The following PAX7 variants were observed in gnomAD, a reference collection of about 807,000 sequenced individuals.
PAX7 encodes the protein paired box protein Pax-7.
Under a neutral mutation model 50.7 loss-of-function variants are expected in PAX7, and 18 were observed. That is an observed-to-expected ratio of 0.36 (90% CI 0.25 to 0.53). The LOEUF (loss-of-function observed/expected upper bound fraction) is 0.53, where lower values mean the gene tolerates loss of function less well. PAX7 is among the 20% of genes least tolerant of loss of function. The pLI, the probability that PAX7 is intolerant of heterozygous loss-of-function variation, is 0.93. For synonymous variants in PAX7, 310 were observed against 290.4 expected, an observed-to-expected ratio of 1.07 and a Z score of -0.69; for missense variants, 644 against 702.9, an observed-to-expected ratio of 0.92 and a Z score of 0.95.
At chr1:18,694,068 C>T (rs1241697710) in intron 5 of PAX7, among the ~76,000 whole-genome samples, 1 of 152,200 alleles carries the variant, frequency 6.6e-6, no homozygotes, top group Non-Finnish European at 1.5e-5. Context: ...AGGGCAGGGA[C>T]TCCCCATTAG....
intron 4 of PAX7, among the ~76,000 whole-genome samples, chr1:18,658,984 G>A (rs760726572): frequency 5.7e-4 from 87 of 152,136 alleles, no homozygotes; most frequent in Middle Eastern, 3.2e-3. Context: ...ACATATGTAT[G>A]TGTGTGTTGT....
intron 4 of PAX7, among the ~76,000 whole-genome samples, chr1:18,643,744 C>A (rs889147094): frequency 6.6e-6 from 1 of 152,242 alleles, no homozygotes; most frequent in Non-Finnish European, 1.5e-5. Context: ...GACATCCGCA[C>A]AAAGGCAGTT....
At chr1:18,648,313 C>G (rs1303893912) in intron 4 of PAX7, among the ~76,000 whole-genome samples, 1 of 151,050 alleles carries the variant, frequency 6.6e-6, no homozygotes, top group Non-Finnish European at 1.5e-5. Context: ...CACTCTTCAT[C>G]CATTCACTCT....
intron 4 of PAX7, among the ~76,000 whole-genome samples, chr1:18,660,731 T>C (rs942471215): frequency 2.0e-5 from 3 of 151,684 alleles, no homozygotes; most frequent in African/African-American, 7.3e-5. Context: ...CTCCTTGGGC[T>C]CAGGAATCCT....
At chr1:18,681,278 A>G (rs1014426092) in intron 4 of PAX7, among the ~76,000 whole-genome samples, 1 of 151,658 alleles carries the variant, frequency 6.6e-6, no homozygotes, top group African/African-American at 2.4e-5. Context: ...CTCCTCACTA[A>G]TTCACAGCTG....
intron 5 of PAX7, 54 bp downstream of exon 5, chr1:18,692,007 G>T: frequency 1.3e-6 from 2 of 1,546,560 alleles, no homozygotes; most frequent in Non-Finnish European, 1.8e-6. Context: ...AGATTCAGAA[G>T]TTTGGGATGG....
chr1:18,673,413 A>G (rs1334505427), intron 4 of PAX7, among the ~76,000 whole-genome samples: 1 of 152,130 alleles, frequency 6.6e-6, no homozygotes, highest in African/African-American at 2.4e-5. Flanking sequence ...ACTCCCAAAT[A>G]TCTAGAAGCA....
intron 7 of PAX7, among the ~76,000 whole-genome samples, chr1:18,709,609 C>T (rs1372855570): frequency 2.0e-5 from 3 of 152,224 alleles, no homozygotes; most frequent in East Asian, 3.9e-4. Flanking sequence ...CACTTGCCCT[C>T]CTTGACTCTT....
At chr1:18,734,757 C>G (rs1453938731) in intron 7 of PAX7, among the ~76,000 whole-genome samples, 1 of 152,190 alleles carries the variant, frequency 6.6e-6, no homozygotes, top group Non-Finnish European at 1.5e-5. Context: ...CTCCCCCGAC[C>G]GAGGGCAGGG....
intron 7 of PAX7, among the ~76,000 whole-genome samples, chr1:18,731,059 C>T (rs17352351): frequency 0.23 from 35,246 of 152,078 alleles, 4,452 homozygotes; most frequent in Middle Eastern, 0.39. Flanking sequence ...GAGTTAGTAA[C>T]GGTAACCTAC....
chr1:18,671,877 C>G (rs1044472338), intron 4 of PAX7, among the ~76,000 whole-genome samples: 1 of 150,856 alleles, frequency 6.6e-6, no homozygotes, highest in Non-Finnish European at 1.5e-5. Flanking sequence ...CTTGGGAGGT[C>G]GAGGCAGGAG....
intron 4 of PAX7, among the ~76,000 whole-genome samples, chr1:18,650,281 T>C (rs1202456946): frequency 1.3e-5 from 2 of 152,222 alleles, no homozygotes; most frequent in African/African-American, 2.4e-5. Flanking sequence ...GAACTTTCTC[T>C]CCTGGCTGGG....
chr1:18,635,167 A>G lies in PAX7; in HGVS notation c.378A>G (p.Pro126=), dbSNP rs2100419563. 2 of 1,614,054 alleles carry G rather than the reference A, an allele frequency of 1.2e-6. No homozygotes were observed. The highest frequency in any genetic ancestry group is 1.7e-6 in the Non-Finnish European group (2 of 1,179,954). Residue 126 remains proline, a synonymous_variant, in exon 3 of 9, where the codon CCA becomes CCG. Coordinates refer to ENST00000420770, the MANE Select transcript of PAX7 (RefSeq NM_001135254.2). ...TTGAGGAGTACAAGAGGGAAAACCC[A>G]GGCATGTTCAGCTGGGAGATCCGGG... ...KKIEEYKREN[P]GMFSWEIRDR... is the part of the protein sequence containing the mutation.
chr1:18,744,025 G>C lies in PAX7; in HGVS notation c.1403-789G>C, dbSNP rs988189704. 3.9e-5 allele frequency among the ~76,000 whole-genome samples: 6 copies of C among 152,270 alleles called. No individual in the cohort carries two copies. In the South Asian group the frequency reaches 6.2e-4, roughly 16 times the overall value. On this transcript the variant is annotated intron_variant, in intron 8 of 8. Transcript: ENST00000420770. ...CACACACACCCTCAGACACTCATCT[G>C]TCTCCTCTGGGGGACCAGATGGACA...
chr1:18,700,009 G>A lies in PAX7; in HGVS notation c.787-644G>A, dbSNP rs1183293170. 3.9e-5 allele frequency among the ~76,000 whole-genome samples: 6 copies of A among 152,026 alleles called. No individual in the cohort carries two copies. Among genetic ancestry groups the A allele is most frequent in the Non-Finnish European group, 7.4e-5 (5 of 68,020 alleles). ...CATGGGTCTATGTATGGATTGATAC[G>A]TGAAGTGCCAGCACAGGAAGGGGAG... is the stretch of plus-strand genomic sequence containing the variant. On this transcript the variant is annotated intron_variant, in intron 5 of 8. Transcript: ENST00000420770. The surrounding 1 kb of genome is among the most constrained non-coding windows in gnomAD (Gnocchi z 4.8).
chr1:18,742,690 C>A (rs1931214506), intron 8 of PAX7, among the ~76,000 whole-genome samples: 1 of 152,186 alleles, frequency 6.6e-6, no homozygotes, highest in African/African-American at 2.4e-5. Flanking sequence ...CTGGCAGTCC[C>A]TGGGGGCTCA....
intron 4 of PAX7, among the ~76,000 whole-genome samples, chr1:18,664,571 C>G (rs1416610813): frequency 6.6e-6 from 1 of 152,186 alleles, no homozygotes; most frequent in African/African-American, 2.4e-5. Context: ...ATCCTCACAG[C>G]CCTCTATGAA....
rs2089572542 is a variant in PAX7, at chr1:18,726,420, T to C, written c.1156-9212T>C. On this transcript the variant is annotated intron_variant, in intron 7 of 8. Transcript: ENST00000420770. This position sits in a 1 kb window ranked among gnomAD's most constrained non-coding sequence, Gnocchi z 4.8. ...AAAGATAAATTCATTTCTTCATTCA[T>C]GAATTCCTCACTTAGCAAATGTTTA... Among the ~76,000 whole-genome samples, 1 of 152,256 alleles carries C rather than the reference T, an allele frequency of 6.6e-6. No individual in the cohort carries two copies. Among genetic ancestry groups the C allele is most frequent in the Non-Finnish European group, 1.5e-5 (1 of 68,044 alleles).
intron 4 of PAX7, among the ~76,000 whole-genome samples, chr1:18,645,278 A>C (rs2088320339): frequency 6.6e-6 from 1 of 152,062 alleles, no homozygotes; most frequent in South Asian, 2.1e-4. Context: ...GGTTCGAGGG[A>C]GAGGCGGAGG....
Sources: gnomAD v4.1 joint callset for allele counts (sites outside exome capture counted in the v4.1 genomes callset) on GRCh38, gnomAD v4.1.1 for gene constraint, Gnocchi (gnomAD v3.1) non-coding constraint, MANE v1.5 for transcripts, NCBI Gene and HGNC (gene_info 2026-07-23, HGNC 2026-07-21) for gene names.